CHEK2: variants seen among roughly 807,000 people sequenced by gnomAD.
The protein encoded by CHEK2 is checkpoint kinase 2, also known as serine/threonine-protein kinase Chk2.
CHEK2 carries 71 observed loss-of-function variants against 69.1 expected under a neutral mutation model. The observed-to-expected ratio is 1.03, with a 90% confidence interval of 0.85 to 1.25. CHEK2 has a LOEUF of 1.25. CHEK2 is among the 50% of genes most tolerant of loss of function. The pLI, the probability that CHEK2 is intolerant of heterozygous loss-of-function variation, is 0.00. For missense variants in CHEK2, 664 were observed against 649.6 expected (o/e 1.02, Z -0.24); for synonymous variants, 189 against 226.9 (o/e 0.83, Z 1.50).
intron 5 of CHEK2, among the ~76,000 whole-genome samples, chr22:28,714,622 C>G (rs889694556): frequency 6.6e-6 from 1 of 152,058 alleles, no homozygotes; most frequent in Non-Finnish European, 1.5e-5. Context: ...TTTTGAGGCA[C>G]AAAAGTTTTT....
At chr22:28,707,969 T>C (rs1569134638) in intron 7 of CHEK2, among the ~76,000 whole-genome samples, 1 of 151,342 alleles carries the variant, frequency 6.6e-6, no homozygotes, top group Non-Finnish European at 1.5e-5. Context: ...CTCCAGTAGC[T>C]GGGACTACAC....
intron 5 of CHEK2, among the ~76,000 whole-genome samples, chr22:28,717,613 C>T (rs1258920670): frequency 2.0e-5 from 3 of 151,626 alleles, no homozygotes; most frequent in East Asian, 2.0e-4. Context: ...TGGTGGCTCA[C>T]GCCTATAATC....
At position 28,698,228 on chromosome 22, in the gene CHEK2, T is replaced by TAAAAAAAAAAAAAAAAAAA. The variant is rs398040472; in HGVS notation, c.1009-1260_1009-1242dup. 8.9e-4 allele frequency among the ~76,000 whole-genome samples: 73 copies of TAAAAAAAAAAAAAAAAAAA among 81,866 alleles called. 2 individuals carry two copies. Among genetic ancestry groups the TAAAAAAAAAAAAAAAAAAA allele is most frequent in the African/African-American group, 2.5e-3 (66 of 26,184 alleles). The allele number at this position is 81,866 out of a possible 152,430, so 53.7% of individuals were successfully genotyped here. A position where few individuals can be genotyped will look rare whatever the true frequency, so the allele number is the denominator to read the frequency against. ...CAACATGGTGAAACCCTATCTTTAC[T>TAAAAAAAAAAAAAAAAAAA]AAAAAAAAAAAAAAAAAAATTAGCT... On this transcript the variant is annotated intron_variant, in intron 9 of 14. Coordinates refer to ENST00000404276, the MANE Select transcript of CHEK2 (RefSeq NM_007194.4).
At chr22:28,737,344 C>A (rs1367478368) in intron 1 of CHEK2, 1 of 453,878 alleles carries the variant, frequency 2.2e-6, no homozygotes, top group Non-Finnish European at 4.4e-6. Flanking sequence ...AAAGGAAACA[C>A]TTTACAGCTT....
intron 9 of CHEK2, among the ~76,000 whole-genome samples, 190 bp from the exon 10 acceptor site, chr22:28,697,177 C>G (rs1396966978): frequency 6.6e-6 from 1 of 152,074 alleles, no homozygotes; most frequent in Non-Finnish European, 1.5e-5. Context: ...CTTTAAAAAG[C>G]AGGGAAATGA....
intron 2 of CHEK2, among the ~76,000 whole-genome samples, chr22:28,732,509 C>T (rs9625545): frequency 0.072 from 10,997 of 151,790 alleles, 535 homozygotes; most frequent in South Asian, 0.11. Flanking sequence ...GGTCTCTCAA[C>T]GTGCTGGGAT....
chr22:28,728,901 C>T (rs750606539), intron 2 of CHEK2, among the ~76,000 whole-genome samples: 3 of 151,734 alleles, frequency 2.0e-5, no homozygotes, highest in Non-Finnish European at 2.9e-5. Flanking sequence ...GGAGTTGAGC[C>T]TGGGAGGTCA....
chr22:28,739,388 T>C (rs1306164244), intron 1 of CHEK2, among the ~76,000 whole-genome samples: 6 of 151,810 alleles, frequency 4.0e-5, no homozygotes, highest in Non-Finnish European at 7.4e-5. Context: ...TGGAGAAATA[T>C]AAATCAAAAC....
At chr22:28,716,029 C>G (rs1357016616) in intron 5 of CHEK2, among the ~76,000 whole-genome samples, 3 of 151,886 alleles carry the variant, frequency 2.0e-5, no homozygotes, top group Non-Finnish European at 4.4e-5. Context: ...CAACGCTCAG[C>G]TAACTTTTTC....
chr22:28,701,139 A>G (rs2145854069), intron 8 of CHEK2, among the ~76,000 whole-genome samples: 1 of 152,186 alleles, frequency 6.6e-6, no homozygotes, highest in African/African-American at 2.4e-5. Flanking sequence ...TCAGGTAACA[A>G]TCTCCTATTT....
At chr22:28,695,651 T>C (rs2145799621) in intron 11 of CHEK2, 59 bp downstream of exon 11, 1 of 1,441,814 alleles carries the variant, frequency 6.9e-7, no homozygotes, top group Non-Finnish European at 9.7e-7. Context: ...GCAAGACACA[T>C]TTGTGACTTC....
At chr22:28,736,614 C>G (rs2054414446) in intron 1 of CHEK2, among the ~76,000 whole-genome samples, 1 of 152,186 alleles carries the variant, frequency 6.6e-6, no homozygotes, top group African/African-American at 2.4e-5. Flanking sequence ...GGCTTCCACC[C>G]TTGTCTTAGA....
At chr22:28,729,840 C>T (rs533176457) in intron 2 of CHEK2, among the ~76,000 whole-genome samples, 2 of 152,114 alleles carry the variant, frequency 1.3e-5, no homozygotes, top group East Asian at 1.9e-4. Context: ...GTCTCCAACT[C>T]GTGGCCTTAA....
intron 4 of CHEK2, among the ~76,000 whole-genome samples, chr22:28,720,032 A>T (rs2053718248): frequency 6.6e-6 from 1 of 152,114 alleles, no homozygotes; most frequent in African/African-American, 2.4e-5. Flanking sequence ...TAGGTAAATA[A>T]CATTTTCTAA....
At chr22:28,720,071 G>T (rs988770271) in intron 4 of CHEK2, among the ~76,000 whole-genome samples, 13 of 150,448 alleles carry the variant, frequency 8.6e-5, no homozygotes, top group African/African-American at 3.2e-4. Flanking sequence ...CCATTATTTG[G>T]GCTGTATCTT....
At chr22:28,695,920 A>G in intron 10 of CHEK2, 47 bp from the exon 11 acceptor site, 4 of 1,493,166 alleles carry the variant, frequency 2.7e-6, no homozygotes, top group South Asian at 1.1e-5. Context: ...GCCATAAAAT[A>G]AAAAGATTAA....
intron 7 of CHEK2, among the ~76,000 whole-genome samples, chr22:28,704,798 G>C (rs1320549902): frequency 6.6e-6 from 1 of 152,176 alleles, no homozygotes; most frequent in Non-Finnish European, 1.5e-5. Flanking sequence ...TTTGGTTTTA[G>C]ATTCAAAAGA....
At chr22:28,710,284 G>C (rs2053346853) in intron 6 of CHEK2, among the ~76,000 whole-genome samples, 1 of 152,108 alleles carries the variant, frequency 6.6e-6, no homozygotes, top group African/African-American at 2.4e-5. Flanking sequence ...CAGGCCCTGT[G>C]CCAAGCTCTT....
intron 4 of CHEK2, among the ~76,000 whole-genome samples, chr22:28,720,484 CT>C (rs1186624874): frequency 6.6e-6 from 1 of 152,124 alleles, no homozygotes; most frequent in Non-Finnish European, 1.5e-5. Flanking sequence ...TGGGCCAAGC[CT>C]GTGATAAATT....
Sources: allele counts gnomAD v4.1 joint callset (sites outside exome capture counted in the v4.1 genomes callset), GRCh38; gene constraint gnomAD v4.1.1; transcripts MANE v1.5; gene names NCBI Gene and HGNC (gene_info 2026-07-23, HGNC 2026-07-21).